The following APP variants were observed in gnomAD, a reference collection of about 807,000 sequenced individuals.
The protein encoded by APP is amyloid beta precursor protein.
Under a neutral mutation model 101.4 loss-of-function variants are expected in APP, and 31 were observed. That is an observed-to-expected ratio of 0.31 (90% confidence interval 0.23 to 0.41). APP has a LOEUF of 0.41. Ranked by LOEUF, APP falls within the 10% of genes least tolerant of loss-of-function variation. APP has a pLI of 1.00. For missense variants in APP, 839 were observed against 1,003.7 expected (o/e 0.84, Z 2.22); for synonymous variants, 366 against 364.4 (o/e 1.00, Z -0.05).
intron 5 of APP, among the ~76,000 whole-genome samples, chr21:26,029,131 G>T (rs1233464964): frequency 6.6e-6 from 1 of 152,152 alleles, no homozygotes; most frequent in African/African-American, 2.4e-5. Flanking sequence ...TAGCAGATGA[G>T]GGAGGAAGTA....
intron 15 of APP, among the ~76,000 whole-genome samples, chr21:25,903,593 C>T (rs747664935): frequency 6.6e-6 from 1 of 152,002 alleles, no homozygotes; most frequent in African/African-American, 2.4e-5. Flanking sequence ...TGAAAAAAGT[C>T]CCAAGGCAAA....
intron 17 of APP, among the ~76,000 whole-genome samples, chr21:25,882,167 A>C (rs1278896281): frequency 6.6e-6 from 1 of 152,030 alleles, no homozygotes; most frequent in Admixed American, 6.6e-5. Flanking sequence ...ATAAAACCAC[A>C]AGAGTATCAT....
chr21:26,127,359 T>C (rs184415033), intron 1 of APP, among the ~76,000 whole-genome samples: 2 of 152,284 alleles, frequency 1.3e-5, no homozygotes, highest in African/African-American at 2.4e-5. Context: ...ATGAACAACT[T>C]AGACAAACGG....
chr21:26,103,803 C>G (rs2062118890), intron 2 of APP, among the ~76,000 whole-genome samples: 2 of 152,140 alleles, frequency 1.3e-5, no homozygotes, highest in African/African-American at 2.4e-5. Flanking sequence ...TAGGTCAGAG[C>G]TAAGTGTTGG....
At chr21:26,066,760 G>A (rs535589830) in intron 3 of APP, among the ~76,000 whole-genome samples, 30 of 152,194 alleles carry the variant, frequency 2.0e-4, no homozygotes, top group African/African-American at 7.0e-4. Flanking sequence ...TAAGAGCCAA[G>A]CTGCTCCTGG....
At chr21:25,965,371 C>G (rs1436888522) in intron 11 of APP, among the ~76,000 whole-genome samples, 3 of 152,220 alleles carry the variant, frequency 2.0e-5, no homozygotes, top group Non-Finnish European at 4.4e-5. Flanking sequence ...AGATTTACAG[C>G]AATCTGCTTT....
chr21:26,045,875 G>T (rs191776410), intron 5 of APP, among the ~76,000 whole-genome samples: 1 of 152,280 alleles, frequency 6.6e-6, no homozygotes, highest in East Asian at 1.9e-4. Context: ...CTGAGACTGG[G>T]TAATTTACAG....
At chr21:25,979,797 T>C (rs143671082) in intron 9 of APP, among the ~76,000 whole-genome samples, 215 of 149,292 alleles carry the variant, frequency 1.4e-3, no homozygotes, top group African/African-American at 5.2e-3. Flanking sequence ...AAATCCAGGA[T>C]TAAAAAAACA....
chr21:25,939,868 AT>A, intron 13 of APP, among the ~76,000 whole-genome samples: 1 of 152,322 alleles, frequency 6.6e-6, no homozygotes. Flanking sequence ...TTTGACTGAC[AT>A]CAGCTACCCT....
intron 17 of APP, among the ~76,000 whole-genome samples, chr21:25,890,741 C>T (rs1441445417): frequency 1.3e-5 from 1 of 74,840 alleles, no homozygotes. Flanking sequence ...AAAAAAAAAG[C>T]AATGGGGAAT....
intron 3 of APP, among the ~76,000 whole-genome samples, chr21:26,075,451 G>A (rs2061483268): frequency 6.6e-6 from 1 of 152,168 alleles, no homozygotes; most frequent in Non-Finnish European, 1.5e-5. Context: ...CTACAAGTTT[G>A]CTAGTAAAAT....
chr21:25,965,231 A>G (rs917981265), intron 11 of APP, among the ~76,000 whole-genome samples: 3 of 152,248 alleles, frequency 2.0e-5, no homozygotes, highest in African/African-American at 7.2e-5. Context: ...CCCAGAAGGC[A>G]AAGCGCACAG....
intron 1 of APP, among the ~76,000 whole-genome samples, chr21:26,120,006 G>C (rs1010849231): frequency 6.6e-6 from 1 of 152,144 alleles, no homozygotes; most frequent in Non-Finnish European, 1.5e-5. Flanking sequence ...TTTGGTACAA[G>C]AGATATTCTA....
chr21:25,939,421 C>T (rs2040485166), intron 13 of APP, among the ~76,000 whole-genome samples: 2 of 152,200 alleles, frequency 1.3e-5, no homozygotes, highest in African/African-American at 4.8e-5. Context: ...AATAGTCCCA[C>T]TTAATTTTTC....
At chr21:25,895,137 T>C (rs550386414) in intron 16 of APP, among the ~76,000 whole-genome samples, 104 of 151,948 alleles carry the variant, frequency 6.8e-4, no homozygotes, top group African/African-American at 2.5e-3. Context: ...CATAATGCTA[T>C]TGCACATGTA....
intron 13 of APP, among the ~76,000 whole-genome samples, chr21:25,938,479 T>TA (rs1484761746): frequency 6.6e-6 from 1 of 152,114 alleles, no homozygotes; most frequent in African/African-American, 2.4e-5. Context: ...AAGACAAATA[T>TA]AACAAGTTTC....
At chr21:26,079,806 T>C (rs962372248) in intron 3 of APP, among the ~76,000 whole-genome samples, 1 of 152,252 alleles carries the variant, frequency 6.6e-6, no homozygotes. Flanking sequence ...TCTCCCTATA[T>C]ACACTGTATA....
intron 1 of APP, among the ~76,000 whole-genome samples, chr21:26,161,542 T>C (rs2063491841): frequency 6.6e-6 from 1 of 152,170 alleles, no homozygotes; most frequent in Non-Finnish European, 1.5e-5. Context: ...CCCCTAAGAA[T>C]CTAGGTTTCT....
At chr21:26,135,480 T>G (rs1227218574) in intron 1 of APP, among the ~76,000 whole-genome samples, 1 of 152,238 alleles carries the variant, frequency 6.6e-6, no homozygotes, top group Non-Finnish European at 1.5e-5. Context: ...TTGGTGCAAA[T>G]TCAATCCAAT....
Sources: allele counts gnomAD v4.1 joint callset (sites outside exome capture counted in the v4.1 genomes callset), GRCh38; gene constraint gnomAD v4.1.1; transcripts MANE v1.5; gene names NCBI Gene and HGNC (gene_info 2026-07-23, HGNC 2026-07-21).